The following ZBTB7C variants were observed in gnomAD, a reference collection of about 807,000 sequenced individuals.
The protein encoded by ZBTB7C is zinc finger and BTB domain containing 7C.
A neutral mutation model predicts 25.7 loss-of-function variants in ZBTB7C; 8 were observed. The observed-to-expected ratio is 0.31, with a 90% CI of 0.18 to 0.56. The LOEUF (loss-of-function observed/expected upper bound fraction) is 0.56. Ranked by LOEUF, ZBTB7C falls within the 20% of genes least tolerant of loss-of-function variation. The pLI, the probability that ZBTB7C is intolerant of heterozygous loss-of-function variation, is 0.91. For synonymous variants in ZBTB7C, 394 were observed against 369.0 expected (o/e 1.07, Z -0.78); for missense variants, 824 against 855.2 (o/e 0.96, Z 0.46).
At chr18:48,108,500 G>A (rs1326842236) in intron 3 of ZBTB7C, among the ~76,000 whole-genome samples, 2 of 152,038 alleles carry the variant, frequency 1.3e-5, no homozygotes, top group Non-Finnish European at 1.5e-5. Context: ...TGGCACAATC[G>A]TAGCTCACTG....
chr18:48,273,456 CTAAT>C (rs1285531126), intron 2 of ZBTB7C, among the ~76,000 whole-genome samples: 1 of 151,662 alleles, frequency 6.6e-6, no homozygotes, highest in Non-Finnish European at 1.5e-5. Context: ...AAAGAGTAGA[CTAAT>C]AAATGTATAC....
rs118011730 is a variant in ZBTB7C, at chr18:48,358,341, G to A, written c.-303-19943C>T. Among the ~76,000 whole-genome samples the A allele has an allele frequency of 5.2e-3, 771 of 147,078 alleles. 3 individuals carry two copies. Among genetic ancestry groups the A allele is most frequent in the Middle Eastern group, 0.017 (5 of 288 alleles). The stretch of plus-strand genomic sequence containing the variant: ...CACTCCAGCCTGGGTGACTGAACGA[G>A]ACTCCACTTCAAAAAAATAAAGAAA... On this transcript the variant is annotated intron_variant, in intron 1 of 4. Transcript: ENST00000590800.
chr18:48,032,593 C>A (rs1482352029), intron 4 of ZBTB7C, among the ~76,000 whole-genome samples: 1 of 151,774 alleles, frequency 6.6e-6, no homozygotes, highest in African/African-American at 2.4e-5. Flanking sequence ...CACCACTACG[C>A]CTGGCTAATT....
At chr18:48,178,490 G>A (rs2041761529) in intron 3 of ZBTB7C, among the ~76,000 whole-genome samples, 1 of 152,240 alleles carries the variant, frequency 6.6e-6, no homozygotes, top group South Asian at 2.1e-4. Flanking sequence ...AGAGAGAAAA[G>A]TTGGTGGAGG....
chr18:48,383,228 T>G (rs1017310976), intron 1 of ZBTB7C, among the ~76,000 whole-genome samples: 2 of 152,124 alleles, frequency 1.3e-5, no homozygotes, highest in African/African-American at 4.8e-5. Context: ...AACAAAAACT[T>G]TTGTAGGAAA....
chr18:48,040,513 C>CCTT lies in ZBTB7C; in HGVS notation c.592_594dup (p.Lys198dup), dbSNP rs999016118. ...AAGTCCCTGGGGGTGTCTGAATAGG[C>CCTT]CTTCTCTGTGAGATGGTCTGTCTTG... On this transcript the variant is annotated inframe_insertion, in exon 4 of 5. Coordinates refer to ENST00000590800, the MANE Select transcript of ZBTB7C (RefSeq NM_001318841.2). 1.1e-5 allele frequency: 17 copies of CCTT among 1,613,750 alleles called. No individual in the cohort carries two copies. The highest frequency in any genetic ancestry group is 1.4e-5 in the Non-Finnish European group (17 of 1,179,846).
At chr18:48,333,139 G>A (rs2046378980) in intron 2 of ZBTB7C, among the ~76,000 whole-genome samples, 1 of 151,884 alleles carries the variant, frequency 6.6e-6, no homozygotes, top group Non-Finnish European at 1.5e-5. Flanking sequence ...TTTTTAGTCG[G>A]GTACTATTTT....
intron 3 of ZBTB7C, among the ~76,000 whole-genome samples, chr18:48,121,037 C>T (rs1326636823): frequency 6.6e-6 from 1 of 152,192 alleles, no homozygotes; most frequent in African/African-American, 2.4e-5. Flanking sequence ...CAGAGCTGCC[C>T]CTGGTCTTGG....
intron 3 of ZBTB7C, chr18:48,072,336 A>T (rs1035906206): frequency 6.0e-5 from 9 of 148,804 alleles, no homozygotes; most frequent in African/African-American, 2.2e-4. Flanking sequence ...GTTAAATGAG[A>T]TAATGTATAT....
At chr18:48,191,224 GTGTC>G (rs2042187048) in intron 2 of ZBTB7C, among the ~76,000 whole-genome samples, 1 of 152,178 alleles carries the variant, frequency 6.6e-6, no homozygotes, top group Non-Finnish European at 1.5e-5. Flanking sequence ...CCCTCAGTGA[GTGTC>G]TGTGGCTGGG....
intron 3 of ZBTB7C, among the ~76,000 whole-genome samples, chr18:48,120,708 G>C (rs528782535): frequency 6.6e-6 from 1 of 152,222 alleles, no homozygotes; most frequent in Non-Finnish European, 1.5e-5. Flanking sequence ...ATGGACACTG[G>C]GGGAGGAGGG....
In ZBTB7C at chr18:48,115,254, C is replaced by CT. The variant is rs755416580; in HGVS notation, c.-17+70679dup. Among the ~76,000 whole-genome samples the CT allele has an allele frequency of 8.6e-3, 1,242 of 143,720 alleles. 5 individuals are homozygous for CT. Among genetic ancestry groups the CT allele is most frequent in the African/African-American group, 9.1e-3 (358 of 39,404 alleles). 94.3% of individuals were successfully genotyped at this position (143,720 alleles called of 152,430 possible). A position where few individuals can be genotyped will look rare whatever the true frequency, so the allele number is the denominator to read the frequency against. On this transcript the variant is annotated intron_variant, in intron 3 of 4. Coordinates refer to ENST00000590800, the MANE Select transcript of ZBTB7C (RefSeq NM_001318841.2). ...ATGTTAAGCATGTATCAGAACTTTT[C>CT]TTTTTTTTTTTTTAGACGGAGTCTT...
intron 1 of ZBTB7C, among the ~76,000 whole-genome samples, chr18:48,393,234 C>T: frequency 8.3e-6 from 1 of 119,904 alleles, no homozygotes; most frequent in Non-Finnish European, 1.7e-5. Flanking sequence ...CCCCCAATAT[C>T]CCCACTCCCA....
At chr18:48,245,103 T>TATATATATATATATATAC (rs756081367) in intron 2 of ZBTB7C, among the ~76,000 whole-genome samples, 3 of 144,544 alleles carry the variant, frequency 2.1e-5, no homozygotes, top group Non-Finnish European at 4.5e-5. Flanking sequence ...TATATATATA[T>TATATATATATATATATAC]ACACACACAC....
chr18:48,039,960 A>C lies in ZBTB7C; in HGVS notation c.1148T>G (p.Met383Arg). The C allele has an allele frequency of 6.2e-7, 1 of 1,613,966 alleles. No individual in the cohort carries two copies. The highest frequency in any genetic ancestry group is 8.5e-7 in the Non-Finnish European group (1 of 1,180,026). Reference protein sequence around the residue: ...IMGAGKLPRHMRTHTGEKPYM... With the variant: ...IMGAGKLPRHRRTHTGEKPYM... ...TGGCTTCTCCCCGGTATGGGTCCTC[A>C]TGTGCCGCGGCAGCTTCCCGGCCCC... Residue 383 changes from methionine (M) to arginine (R), a missense_variant, in exon 4 of 5, where the codon ATG (methionine) becomes AGG (arginine). Physicochemically the swap from Met to Arg is moderately conservative, Grantham distance 91. Coordinates refer to ENST00000590800, the MANE Select transcript of ZBTB7C (RefSeq NM_001318841.2).
At chr18:48,397,235 G>A (rs1292608303) in intron 1 of ZBTB7C, among the ~76,000 whole-genome samples, 1 of 152,168 alleles carries the variant, frequency 6.6e-6, no homozygotes, top group Non-Finnish European at 1.5e-5. Context: ...AACCAGCCTG[G>A]GAGTTAAGAT....
intron 2 of ZBTB7C, among the ~76,000 whole-genome samples, chr18:48,320,661 G>A (rs368239662): frequency 2.6e-5 from 4 of 152,186 alleles, no homozygotes; most frequent in African/African-American, 9.7e-5. Context: ...TACCCTAAAT[G>A]CTATATCAGA....
intron 3 of ZBTB7C, among the ~76,000 whole-genome samples, chr18:48,103,178 T>A (rs200231669): frequency 7.0e-6 from 1 of 143,020 alleles, no homozygotes; most frequent in Non-Finnish European, 1.5e-5. Flanking sequence ...AGTGATGGGG[T>A]GCTAGGGGGT....
chr18:48,386,984 C>G (rs1215055261), intron 1 of ZBTB7C, among the ~76,000 whole-genome samples: 1 of 152,138 alleles, frequency 6.6e-6, no homozygotes, highest in African/African-American at 2.4e-5. Context: ...TAATTAGTTC[C>G]AGTGGAATAA....
Sources: allele counts gnomAD v4.1 joint callset (sites outside exome capture counted in the v4.1 genomes callset), GRCh38; gene constraint gnomAD v4.1.1; transcripts MANE v1.5; gene names NCBI Gene and HGNC (gene_info 2026-07-23, HGNC 2026-07-21).